ATP8A1: variants seen among roughly 807,000 people sequenced by gnomAD.
The protein encoded by ATP8A1 is phospholipid-transporting ATPase IA.
In ATP8A1, 90 loss-of-function variants were observed where a neutral mutation model predicts 177.7. That is an observed-to-expected ratio of 0.51 (90% CI 0.43 to 0.60). ATP8A1 has a LOEUF of 0.60. Ranked by LOEUF, ATP8A1 falls within the 20% of genes least tolerant of loss-of-function variation. ATP8A1 has a pLI of 0.00. For synonymous variants in ATP8A1, 493 were observed against 485.9 expected (o/e 1.01, Z -0.19); for missense variants, 1,072 against 1,392.8 (o/e 0.77, Z 3.67).
intron 32 of ATP8A1, 120 bp downstream of exon 32, chr4:42,444,458 C>A (rs140860952): frequency 4.3e-6 from 4 of 923,502 alleles, no homozygotes; most frequent in African/African-American, 1.7e-5. Flanking sequence ...AATTGAAAAC[C>A]TGTGGACTAG....
chr4:42,593,504 T>C (rs1216140935), intron 6 of ATP8A1, among the ~76,000 whole-genome samples: 1 of 152,006 alleles, frequency 6.6e-6, no homozygotes, highest in African/African-American at 2.4e-5. Context: ...TTGTCATGAA[T>C]CAAATCACTT....
intron 20 of ATP8A1, among the ~76,000 whole-genome samples, chr4:42,530,405 T>C (rs1727142846): frequency 6.6e-6 from 1 of 152,180 alleles, no homozygotes; most frequent in African/African-American, 2.4e-5. Context: ...TGGATATGGG[T>C]TTGCCTATCC....
At chr4:42,425,829 G>A (rs890594047) in intron 33 of ATP8A1, among the ~76,000 whole-genome samples, 1 of 151,592 alleles carries the variant, frequency 6.6e-6, no homozygotes, top group African/African-American at 2.4e-5. Flanking sequence ...AGGCCAAGTG[G>A]CCCCCACTGC....
At chr4:42,650,235 C>A (rs1577786213) in intron 1 of ATP8A1, among the ~76,000 whole-genome samples, 1 of 152,222 alleles carries the variant, frequency 6.6e-6, no homozygotes, top group African/African-American at 2.4e-5. Context: ...ATCTAATACA[C>A]TTATATCTCC....
Position 42,455,302 on chromosome 4 carries a change from T to G in ATP8A1, c.2812A>C (p.Thr938Pro), listed in dbSNP as rs1718357971. Residue 938 changes from threonine to proline, a missense_variant, in exon 29 of 37, where the codon ACC (threonine) becomes CCC (proline). This residue lies in a region of ATP8A1 where 316 missense variants were observed against 459.1 expected (regional missense o/e 0.69). Coordinates refer to ENST00000381668, the MANE Select transcript of ATP8A1 (RefSeq NM_006095.2). ...GCCAGGGCACTGTGTCCTACCTTGG[T>G]GTTGAAGTCCAGGGCATTCTGAGAT... ...KTSQNALDFN[T>P]KVFWVHCLNG... The G allele has an allele frequency of 2.5e-6, 4 of 1,613,582 alleles. No homozygotes were observed. The highest frequency in any genetic ancestry group is 3.4e-6 in the Non-Finnish European group (4 of 1,179,682).
chr4:42,444,611 C>G lies in ATP8A1; in HGVS notation c.2982G>C (p.Leu994Phe), dbSNP rs200581251. 6.2e-7 allele frequency: 1 copy of G among 1,613,864 alleles called. No individual in the cohort carries two copies. Among genetic ancestry groups the G allele is most frequent in the African/African-American group, 1.3e-5 (1 of 74,908 alleles). The change falls in exon 32 of 37, where the codon TTG (leucine) becomes TTC (phenylalanine). Residue 994 changes from leucine (L) to phenylalanine (F), a missense_variant. By Grantham distance (22) the Leu-to-Phe change is conservative. This residue lies in a region of ATP8A1 where 316 missense variants were observed against 459.1 expected (regional missense o/e 0.69). Coordinates refer to ENST00000381668, the MANE Select transcript of ATP8A1 (RefSeq NM_006095.2). ...AATATGATGTCTCCAATCCAGCTTTCAAACACACAGTTATCACCACAAACT... is the reference window on the plus strand; with the variant it reads ...AATATGATGTCTCCAATCCAGCTTTGAAACACACAGTTATCACCACAAACT... ...VYTFVVITVC[L>F]KAGLETSYWT... is the part of the protein sequence containing the mutation.
Position 42,446,650 on chromosome 4 carries a change from C to G in ATP8A1, c.2897-6G>C, listed in dbSNP as rs761497932. On this transcript the variant is annotated splice_polypyrimidine_tract_variant and splice_region_variant and intron_variant, in intron 30 of 36. Coordinates refer to ENST00000381668, the MANE Select transcript of ATP8A1 (RefSeq NM_006095.2). Reference sequence around the variant, plus strand: ...CCCATTTCCAAATGCAGTACCTGTACGAAAAGGAGAGGCCTATTAGAAAGG... The same window carrying G: ...CCCATTTCCAAATGCAGTACCTGTAGGAAAAGGAGAGGCCTATTAGAAAGG... 6 of 1,611,598 alleles carry G rather than the reference C, an allele frequency of 3.7e-6. No individual in the cohort carries two copies. Among genetic ancestry groups the G allele is most frequent in the Non-Finnish European group, 5.1e-6 (6 of 1,178,494 alleles).
At chr4:42,446,538 AG>A in intron 31 of ATP8A1, 44 bp downstream of exon 31, 1 of 1,562,720 alleles carries the variant, frequency 6.4e-7, no homozygotes, top group Non-Finnish European at 8.8e-7. Flanking sequence ...GACAGATGAA[AG>A]GTTTTGATTT....
intron 33 of ATP8A1, among the ~76,000 whole-genome samples, chr4:42,424,667 A>G (rs928232145): frequency 6.6e-6 from 1 of 152,230 alleles, no homozygotes; most frequent in Non-Finnish European, 1.5e-5. Flanking sequence ...CTTATCAAAC[A>G]TAAACATTTC....
At chr4:42,581,304 T>C (rs1436414252) in intron 10 of ATP8A1, among the ~76,000 whole-genome samples, 1 of 152,150 alleles carries the variant, frequency 6.6e-6, no homozygotes, top group Admixed American at 6.5e-5. Context: ...CGGCTAATTT[T>C]TTGTATTTTC....
At chr4:42,439,713 T>C (rs1462560311) in intron 33 of ATP8A1, among the ~76,000 whole-genome samples, 1 of 152,066 alleles carries the variant, frequency 6.6e-6, no homozygotes, top group Non-Finnish European at 1.5e-5. Context: ...GAGAAGAACA[T>C]GGAGGAGGTA....
intron 22 of ATP8A1, among the ~76,000 whole-genome samples, chr4:42,521,353 G>T (rs956984367): frequency 6.6e-6 from 1 of 152,092 alleles, no homozygotes; most frequent in Non-Finnish European, 1.5e-5. Flanking sequence ...TGTTACCTTG[G>T]ATTCTTCATC....
chr4:42,487,183 A>G (rs562018120), intron 24 of ATP8A1, among the ~76,000 whole-genome samples: 22 of 152,326 alleles, frequency 1.4e-4, no homozygotes, highest in Middle Eastern at 3.4e-3. Flanking sequence ...GATGGATCAA[A>G]TAAAAGAACG....
At position 42,546,284 on chromosome 4, in the gene ATP8A1, A is replaced by G. The variant is rs182082443; in HGVS notation, c.1653-2298T>C. On this transcript the variant is annotated intron_variant, in intron 19 of 36. Coordinates refer to ENST00000381668, the MANE Select transcript of ATP8A1 (RefSeq NM_006095.2). ...TGATGAGTTCATGTCCTTTGTAGGG[A>G]CATGGATGAAGCTGGAAACCATCAT... is the stretch of plus-strand genomic sequence containing the variant. Among the ~76,000 whole-genome samples, 1,198 of 152,050 alleles carry G rather than the reference A, an allele frequency of 7.9e-3. 15 individuals carry two copies. The highest frequency in any genetic ancestry group is 0.027 in the African/African-American group (1,125 of 41,462).
At chr4:42,552,767 C>A (rs968783726) in intron 16 of ATP8A1, among the ~76,000 whole-genome samples, 157 bp from the exon 17 acceptor site, 1 of 152,146 alleles carries the variant, frequency 6.6e-6, no homozygotes, top group African/African-American at 2.4e-5. Flanking sequence ...GCGGGTGGAT[C>A]GCCTAAGGTC....
Position 42,500,751 on chromosome 4 carries a change from T to A in ATP8A1, c.2151+2699A>T, listed in dbSNP as rs535497145. On this transcript the variant is annotated intron_variant, in intron 24 of 36. Transcript: ENST00000381668. ...AACCAAGGCAGAAAGACCTGTCAGGTTTCCCTATCAGGTCTGTAGAGTGAG... is the reference window on the plus strand; with the variant it reads ...AACCAAGGCAGAAAGACCTGTCAGGATTCCCTATCAGGTCTGTAGAGTGAG... Among the ~76,000 whole-genome samples the A allele has an allele frequency of 6.6e-5, 10 of 152,328 alleles. No homozygotes were observed. In the East Asian group the frequency reaches 1.9e-3, roughly 29 times the overall value.
chr4:42,425,778 G>A (rs2153168730), intron 33 of ATP8A1, among the ~76,000 whole-genome samples: 1 of 152,316 alleles, frequency 6.6e-6, no homozygotes, highest in Non-Finnish European at 1.5e-5. Flanking sequence ...CCCTCCGAGA[G>A]CGGTTTGCAA....
intron 13 of ATP8A1, 105 bp downstream of exon 13, chr4:42,575,517 G>C: frequency 1.2e-6 from 1 of 860,570 alleles, no homozygotes. Context: ...TCAAATAGTG[G>C]AAAATTAAAA....
intron 9 of ATP8A1, 61 bp downstream of exon 9, chr4:42,586,288 A>G (rs1413932303): frequency 5.1e-6 from 8 of 1,566,916 alleles, no homozygotes; most frequent in Non-Finnish European, 6.9e-6. Context: ...GACTTAGAAG[A>G]CACAGCAATA....
Sources: gnomAD v4.1 joint callset for allele counts (sites outside exome capture counted in the v4.1 genomes callset) on GRCh38, gnomAD v4.1.1 for gene constraint, gnomAD v4.1.1 regional missense constraint, MANE v1.5 for transcripts, NCBI Gene and HGNC (gene_info 2026-07-23, HGNC 2026-07-21) for gene names.